The following LRRK2 variants were observed in gnomAD, a reference collection of about 807,000 sequenced individuals.
LRRK2 encodes leucine rich repeat kinase 2, also known as leucine-rich repeat serine/threonine-protein kinase 2.
A neutral mutation model predicts 302.6 loss-of-function variants in LRRK2; 203 were observed. The ratio of observed to expected loss-of-function variants is 0.67; its 90% CI spans 0.60 to 0.75. The LOEUF (loss-of-function observed/expected upper bound fraction) is 0.75. LRRK2 is among the 30% of genes least tolerant of loss of function. The probability of loss-of-function intolerance (pLI) is 0.00; values close to 1 mark genes in which losing one functional copy is unlikely to be tolerated. For synonymous variants in LRRK2, 1,066 were observed against 1,031.9 expected (o/e 1.03, Z -0.63); for missense variants, 2,830 against 2,951.0 (o/e 0.96, Z 0.95).
At position 40,305,917 on chromosome 12, in the gene LRRK2, C is replaced by G. The variant is rs1266244756; in HGVS notation, c.3910C>G (p.Leu1304Val). The G allele has an allele frequency of 6.2e-7, 1 of 1,612,668 alleles. No individual in the cohort carries two copies. The highest frequency in any genetic ancestry group is 8.5e-7 in the Non-Finnish European group (1 of 1,179,126). Residue 1304 changes from leucine (L) to valine (V), a missense_variant, in exon 28 of 51, where the codon CTT becomes GTT. Transcript: ENST00000298910. ...IWDLPLDELH[L>V]NFDFKHIGCK... ...GGATCTTCCTTTGGATGAACTGCAT[C>G]TTAACTTTGATTTTAAACATATAGG...
intron 30 of LRRK2, 128 bp downstream of exon 30, chr12:40,309,361 G>A: frequency 8.1e-7 from 1 of 1,233,404 alleles, no homozygotes; most frequent in South Asian, 1.6e-5. Context: ...TTTCTTAAAA[G>A]AAGCACTAAA....
chr12:40,356,206 C>G lies in LRRK2; in HGVS notation c.6843+19C>G, dbSNP rs1377464288. 2.6e-6 allele frequency: 4 copies of G among 1,560,364 alleles called. No individual in the cohort carries two copies. The East Asian group carries it at 6.8e-5, about 26-fold the overall frequency. Reference sequence around the variant, plus strand: ...TGTTAAGGTAAATGTTGAATGCATTCTACATCTAAATTTATTTTAAGTCTT... The same window carrying G: ...TGTTAAGGTAAATGTTGAATGCATTGTACATCTAAATTTATTTTAAGTCTT... On this transcript the variant is annotated intron_variant, in intron 46 of 50. Transcript: ENST00000298910.
At position 40,335,091 on chromosome 12, in the gene LRRK2, A is replaced by T; in HGVS notation, c.5882A>T (p.Gln1961Leu). Reference sequence around the variant, plus strand: ...GGTTCCTTGGATCGCCTGCTTCAGCAGGACAAAGCCAGCCTCACTAGAACC... The same window carrying T: ...GGTTCCTTGGATCGCCTGCTTCAGCTGGACAAAGCCAGCCTCACTAGAACC... Reference protein sequence around the residue: ...SKGSLDRLLQQDKASLTRTLQ... With the variant: ...SKGSLDRLLQLDKASLTRTLQ... Residue 1961 changes from glutamine (Q) to leucine (L), a missense_variant, in exon 40 of 51, where the codon CAG becomes CTG. Transcript: ENST00000298910. The T allele has an allele frequency of 6.2e-7, 1 of 1,614,084 alleles. No individual in the cohort carries two copies. Among genetic ancestry groups the T allele is most frequent in the Non-Finnish European group, 8.5e-7 (1 of 1,179,984 alleles).
At chr12:40,257,518 T>G in intron 12 of LRRK2, 141 bp downstream of exon 12, 2 of 928,888 alleles carry the variant, frequency 2.2e-6, no homozygotes, top group Non-Finnish European at 3.3e-6. Context: ...CAATGTAATC[T>G]CGTGTCACTA....
chr12:40,232,367 G>C lies in LRRK2; in HGVS notation c.331G>C (p.Val111Leu), dbSNP rs768445472. The stretch of plus-strand genomic sequence containing the variant: ...CCAGGATGTTGGAAATGATTGGGAA[G>C]TCCTTGGTGTTCACCAGTAAGTATG... ...GPQDVGNDWE[V>L]LGVHQLILKM... The change falls in exon 3 of 51, where the codon GTC becomes CTC. Residue 111 changes from valine to leucine, a missense_variant. Val to Leu is a conservative substitution (Grantham distance 32). Transcript: ENST00000298910. The C allele has an allele frequency of 6.2e-7, 1 of 1,613,176 alleles. No individual in the cohort carries two copies. Among genetic ancestry groups the C allele is most frequent in the Non-Finnish European group, 8.5e-7 (1 of 1,179,118 alleles).
intron 25 of LRRK2, 24 bp from the exon 26 acceptor site, chr12:40,302,765 T>G: frequency 5.6e-6 from 8 of 1,420,634 alleles, no homozygotes; most frequent in South Asian, 1.1e-5. Flanking sequence ...GATTAAAATG[T>G]TTATCTCATT....
intron 46 of LRRK2, among the ~76,000 whole-genome samples, chr12:40,357,458 A>G (rs1592337806): frequency 6.6e-6 from 1 of 152,292 alleles, no homozygotes; most frequent in African/African-American, 2.4e-5. Flanking sequence ...GATTAGTATC[A>G]GTAGTAACAT....
chr12:40,325,193 C>T (rs1945507013), intron 38 of LRRK2, among the ~76,000 whole-genome samples: 1 of 152,150 alleles, frequency 6.6e-6, no homozygotes, highest in African/African-American at 2.4e-5. Context: ...GAGGCTGAGG[C>T]AGAGAATTGC....
intron 33 of LRRK2, among the ~76,000 whole-genome samples, chr12:40,317,532 T>G (rs773276341): frequency 2.0e-5 from 3 of 152,040 alleles, no homozygotes; most frequent in Non-Finnish European, 4.4e-5. Flanking sequence ...GTCACTAAAC[T>G]TATTAAAAAA....
intron 39 of LRRK2, 145 bp from the exon 40 acceptor site, chr12:40,334,822 A>C: frequency 2.1e-6 from 2 of 965,652 alleles, no homozygotes; most frequent in South Asian, 2.9e-5. Context: ...TACGGGAAAA[A>C]AAACTCAGAG....
intron 12 of LRRK2, 95 bp downstream of exon 12, chr12:40,257,472 G>A: frequency 6.9e-7 from 1 of 1,459,066 alleles, no homozygotes; most frequent in Non-Finnish European, 9.5e-7. Context: ...AAAAGAAAAA[G>A]AAAAACATAA....
intron 8 of LRRK2, among the ~76,000 whole-genome samples, chr12:40,250,262 C>G (rs530785850): frequency 8.5e-5 from 13 of 152,096 alleles, no homozygotes; most frequent in African/African-American, 3.1e-4. Context: ...GAGGCCGAGG[C>G]GGGTGGATCA....
Position 40,334,099 on chromosome 12 carries a change from T to G in LRRK2, c.5758-868T>G, listed in dbSNP as rs540660390. Reference sequence around the variant, plus strand: ...GAGCATTATCCTCGGTAAACTTTTGTAGTCGTTAAACCAGAGATTATAAGC... The same window carrying G: ...GAGCATTATCCTCGGTAAACTTTTGGAGTCGTTAAACCAGAGATTATAAGC... On this transcript the variant is annotated intron_variant, in intron 39 of 50. Coordinates refer to ENST00000298910, the MANE Select transcript of LRRK2 (RefSeq NM_198578.4). Among the ~76,000 whole-genome samples, 186 of 152,306 alleles carry G rather than the reference T, an allele frequency of 1.2e-3. 1 individual carries two copies. The highest frequency in any genetic ancestry group is 4.0e-3 in the African/African-American group (166 of 41,566).
At chr12:40,350,859 GTA>G (rs1946329304) in intron 43 of LRRK2, among the ~76,000 whole-genome samples, 1 of 151,824 alleles carries the variant, frequency 6.6e-6, no homozygotes, top group African/African-American at 2.4e-5. Context: ...TAACAAATAT[GTA>G]TATATATGAC....
rs369048407 is a variant in LRRK2, at chr12:40,271,029, G to A, written c.1657-3554G>A. ...TCCTTGACTCAAGCAATCCTGCCTC[G>A]ACCTCCCAAAGTGCTGAGATTACAA... is the stretch of plus-strand genomic sequence containing the variant. On this transcript the variant is annotated intron_variant, in intron 14 of 50. Transcript: ENST00000298910. Among the ~76,000 whole-genome samples, 6 of 151,814 alleles carry A rather than the reference G, an allele frequency of 4.0e-5. No individual in the cohort carries two copies. In the East Asian group the frequency reaches 5.8e-4, roughly 15 times the overall value.
chr12:40,342,457 A>G (rs1293681049), intron 41 of LRRK2, among the ~76,000 whole-genome samples: 1 of 147,710 alleles, frequency 6.8e-6, no homozygotes, highest in Admixed American at 6.8e-5. Context: ...CTCTTCTCAC[A>G]GGCTGCTTAG....
At chr12:40,290,678 A>G (rs1396024138) in intron 20 of LRRK2, among the ~76,000 whole-genome samples, 1 of 152,076 alleles carries the variant, frequency 6.6e-6, no homozygotes, top group Non-Finnish European at 1.5e-5. Flanking sequence ...TTATTTGTTT[A>G]ATGTTACTTA....
rs763026901 is a variant in LRRK2, at chr12:40,274,737, A to G, written c.1801+10A>G. The G allele has an allele frequency of 5.0e-6, 8 of 1,613,886 alleles. No homozygotes were observed. The East Asian group carries it at 1.6e-4, about 31-fold the overall frequency. On this transcript the variant is annotated intron_variant, in intron 15 of 50. Coordinates refer to ENST00000298910, the MANE Select transcript of LRRK2 (RefSeq NM_198578.4). Reference sequence around the variant, plus strand: ...TATCCAGATGACCAAGGTCAGTACAATTTGAATTCAGGATTTAGAATAGAT... The same window carrying G: ...TATCCAGATGACCAAGGTCAGTACAGTTTGAATTCAGGATTTAGAATAGAT...
chr12:40,293,409 C>A, intron 20 of LRRK2, 136 bp from the exon 21 acceptor site: 3 of 586,036 alleles, frequency 5.1e-6, no homozygotes, highest in South Asian at 1.9e-5. Context: ...AAAGATTTTA[C>A]AAAGGGAATG....
Sources: gnomAD v4.1 joint callset for allele counts (sites outside exome capture counted in the v4.1 genomes callset) on GRCh38, gnomAD v4.1.1 for gene constraint, MANE v1.5 for transcripts, NCBI Gene and HGNC (gene_info 2026-07-23, HGNC 2026-07-21) for gene names.